The following CNTN5 variants were observed in gnomAD, a reference collection of about 807,000 sequenced individuals.
The protein encoded by CNTN5 is contactin-5.
CNTN5 carries 77 observed loss-of-function variants against 129.1 expected under a neutral mutation model. The ratio of observed to expected loss-of-function variants is 0.60; its 90% confidence interval spans 0.50 to 0.72. The LOEUF (loss-of-function observed/expected upper bound fraction) is 0.72, where lower values mean the gene tolerates loss of function less well. Ranked by LOEUF, CNTN5 falls within the 30% of genes least tolerant of loss-of-function variation. CNTN5 has a pLI of 0.00. For synonymous variants in CNTN5, 509 were observed against 465.6 expected (o/e 1.09, Z -1.20); for missense variants, 1,478 against 1,328.8 (o/e 1.11, Z -1.75).
At chr11:99,356,547 C>T (rs562901698) in intron 2 of CNTN5, among the ~76,000 whole-genome samples, 1 of 152,280 alleles carries the variant, frequency 6.6e-6, no homozygotes, top group South Asian at 2.1e-4. Flanking sequence ...CTTTTGAACA[C>T]CTACGTTGTG....
intron 2 of CNTN5, among the ~76,000 whole-genome samples, chr11:99,346,995 C>G (rs1937924948): frequency 6.6e-6 from 1 of 152,234 alleles, no homozygotes; most frequent in Non-Finnish European, 1.5e-5. Context: ...GACAAAGACA[C>G]TAGCTAAATG....
At chr11:99,025,441 T>G (rs1863069768) in intron 1 of CNTN5, among the ~76,000 whole-genome samples, 1 of 151,822 alleles carries the variant, frequency 6.6e-6, no homozygotes, top group Non-Finnish European at 1.5e-5. Flanking sequence ...AGAGATGTTC[T>G]TCATAGGATT....
chr11:100,173,260 T>C (rs779440288), intron 13 of CNTN5, among the ~76,000 whole-genome samples: 2 of 152,068 alleles, frequency 1.3e-5, no homozygotes, highest in Non-Finnish European at 2.9e-5. Context: ...AGGGAAGACA[T>C]TTTTTGCACA....
At chr11:99,709,666 T>A (rs1431819973) in intron 3 of CNTN5, among the ~76,000 whole-genome samples, 2 of 151,882 alleles carry the variant, frequency 1.3e-5, no homozygotes, top group African/African-American at 4.8e-5. Context: ...TAACAGGTTT[T>A]TAATAAGTAA....
chr11:99,058,795 G>T (rs554074942), intron 1 of CNTN5, among the ~76,000 whole-genome samples: 2 of 151,826 alleles, frequency 1.3e-5, no homozygotes, highest in Admixed American at 1.3e-4. Context: ...GAGGAAAAAT[G>T]AAAAATGGGC....
At chr11:99,155,923 C>G (rs1860311233) in intron 1 of CNTN5, among the ~76,000 whole-genome samples, 1 of 151,910 alleles carries the variant, frequency 6.6e-6, no homozygotes, top group African/African-American at 2.4e-5. Context: ...CTATATTATA[C>G]TCTTCTAGGG....
chr11:100,065,782 T>C (rs1246435111), intron 10 of CNTN5, among the ~76,000 whole-genome samples: 1 of 152,118 alleles, frequency 6.6e-6, no homozygotes, highest in Non-Finnish European at 1.5e-5. Context: ...CTATATACTA[T>C]AGTTAACATT....
chr11:99,180,461 C>T (rs1857994670), intron 1 of CNTN5, among the ~76,000 whole-genome samples: 1 of 152,212 alleles, frequency 6.6e-6, no homozygotes, highest in Admixed American at 6.5e-5. Flanking sequence ...CAAGAGGGCT[C>T]TTTGTGACTG....
intron 2 of CNTN5, among the ~76,000 whole-genome samples, chr11:99,430,960 G>C (rs930267812): frequency 6.7e-6 from 1 of 148,180 alleles, no homozygotes; most frequent in Non-Finnish European, 1.5e-5. Context: ...AACCCATCAA[G>C]TAGCCAAAAA....
intron 3 of CNTN5, among the ~76,000 whole-genome samples, chr11:99,748,242 C>T (rs921622855): frequency 6.6e-6 from 1 of 152,126 alleles, no homozygotes; most frequent in Middle Eastern, 3.4e-3. Flanking sequence ...TAAGCATTCC[C>T]TCCTCTTTAA....
intron 7 of CNTN5, among the ~76,000 whole-genome samples, chr11:99,943,858 A>C (rs562351993): frequency 9.3e-4 from 141 of 151,940 alleles, no homozygotes; most frequent in African/African-American, 3.4e-3. Flanking sequence ...GTGTGGTGTT[A>C]TTTCTGAGGC....
chr11:99,725,153 A>C (rs955780629), intron 3 of CNTN5, among the ~76,000 whole-genome samples: 10 of 152,150 alleles, frequency 6.6e-5, no homozygotes, highest in African/African-American at 1.9e-4. Context: ...GTCTTCCCTC[A>C]TCATCTGGGA....
chr11:99,029,257 T>A (rs1207226130), intron 1 of CNTN5, among the ~76,000 whole-genome samples: 1 of 151,904 alleles, frequency 6.6e-6, no homozygotes, highest in Non-Finnish European at 1.5e-5. Context: ...CCTGTTCTAA[T>A]TGTGGAAGGG....
chr11:99,178,233 C>T (rs752762816), intron 1 of CNTN5, among the ~76,000 whole-genome samples: 10 of 151,794 alleles, frequency 6.6e-5, no homozygotes, highest in Non-Finnish European at 1.2e-4. Context: ...GTGATCCTAG[C>T]ACATTTGGAG....
chr11:100,339,466 T>C (rs1306098202), intron 21 of CNTN5, among the ~76,000 whole-genome samples: 1 of 152,052 alleles, frequency 6.6e-6, no homozygotes, highest in Non-Finnish European at 1.5e-5. Context: ...TAGTGGGATG[T>C]TTCTCTGCAC....
chr11:99,513,312 A>T lies in CNTN5; in HGVS notation c.-70-42833A>T, dbSNP rs148303366. 8.5e-3 allele frequency among the ~76,000 whole-genome samples: 1,290 copies of T among 152,256 alleles called. 20 individuals are homozygous for T. Among genetic ancestry groups the T allele is most frequent in the African/African-American group, 0.029 (1,222 of 41,564 alleles). On this transcript the variant is annotated intron_variant, in intron 2 of 24. Coordinates refer to ENST00000524871, the MANE Select transcript of CNTN5 (RefSeq NM_014361.4). ...ATTGAAGGAAAGAAGCTTTTTCCAT[A>T]ACAAAGTGCACGGTGAAACAGCAAG...
At chr11:99,853,573 G>A (rs892247049) in intron 6 of CNTN5, among the ~76,000 whole-genome samples, 3 of 151,942 alleles carry the variant, frequency 2.0e-5, no homozygotes, top group South Asian at 4.1e-4. Flanking sequence ...CTAATTTTTT[G>A]TATTTTTAGT....
intron 1 of CNTN5, among the ~76,000 whole-genome samples, chr11:99,210,987 A>G (rs921434113): frequency 2.6e-5 from 4 of 152,140 alleles, no homozygotes; most frequent in Admixed American, 6.6e-5. Flanking sequence ...TAATAGAACT[A>G]TAAAATTCCT....
intron 9 of CNTN5, among the ~76,000 whole-genome samples, chr11:100,015,970 A>G (rs1307753095): frequency 6.6e-6 from 1 of 152,090 alleles, no homozygotes; most frequent in Non-Finnish European, 1.5e-5. Flanking sequence ...TTCCCAATTC[A>G]GAATTTATTC....
Sources: allele counts gnomAD v4.1 joint callset (sites outside exome capture counted in the v4.1 genomes callset), GRCh38; gene constraint gnomAD v4.1.1; transcripts MANE v1.5; gene names NCBI Gene and HGNC (gene_info 2026-07-23, HGNC 2026-07-21).